The following CRLS1 variants were observed in gnomAD, a reference collection of about 807,000 sequenced individuals.
CRLS1 encodes cardiolipin synthase (CMP-forming).
In CRLS1, 24 loss-of-function variants were observed where a neutral mutation model predicts 37.0. That is an observed-to-expected ratio of 0.65 (90% CI 0.47 to 0.91). The LOEUF is 0.91. Ranked by LOEUF, CRLS1 falls within the 40% of genes least tolerant of loss-of-function variation. CRLS1 has a pLI of 0.00. For synonymous variants in CRLS1, 135 were observed against 159.7 expected, an observed-to-expected ratio of 0.85 and a Z score of 1.17; for missense variants, 373 against 395.8, an observed-to-expected ratio of 0.94 and a Z score of 0.49.
Position 6,037,083 on chromosome 20 carries a change from A to G in CRLS1, c.831A>G (p.Thr277=). 6.2e-7 allele frequency: 1 copy of G among 1,612,420 alleles called. No homozygotes were observed. Among genetic ancestry groups the G allele is most frequent in the Non-Finnish European group, 8.5e-7 (1 of 1,179,144 alleles). Residue 277 remains threonine, a synonymous_variant, in exon 7 of 7, where the codon ACA becomes ACG. Coordinates refer to ENST00000378863, the MANE Select transcript of CRLS1 (RefSeq NM_019095.6). ...TTTTCTTCCATAAAAGGTGTTTTAC[A>G]GCTTTCACCACAGCTGCATCAGCTT... The part of the protein sequence containing the change: ...SIYLQILWCF[T]AFTTAASAYS...
intron 2 of CRLS1, among the ~76,000 whole-genome samples, chr20:6,010,436 A>G (rs187071557): frequency 2.0e-5 from 3 of 152,204 alleles, no homozygotes; most frequent in African/African-American, 7.2e-5. Flanking sequence ...ACCCCCACAG[A>G]TTTATTTTCT....
At chr20:6,024,988 A>G (rs6133284) in intron 3 of CRLS1, among the ~76,000 whole-genome samples, 72,785 of 152,122 alleles carry the variant, frequency 0.48, 17,787 homozygotes, top group East Asian at 0.58. Flanking sequence ...GTTTAAGGAA[A>G]AAAGCCATCT....
intron 3 of CRLS1, among the ~76,000 whole-genome samples, chr20:6,018,325 T>C (rs1978934301): frequency 6.6e-6 from 1 of 152,082 alleles, no homozygotes. Flanking sequence ...TGCTAACTTG[T>C]ATTCTAACAA....
intron 5 of CRLS1, 64 bp downstream of exon 5, chr20:6,032,144 C>A (rs1182505365): frequency 7.8e-7 from 1 of 1,288,174 alleles, no homozygotes; most frequent in Non-Finnish European, 1.1e-6. Context: ...AGGATATAAA[C>A]CTTAGTCAAG....
intron 1 of CRLS1, chr20:6,007,130 A>G (rs1367900395): frequency 2.5e-6 from 2 of 812,094 alleles, no homozygotes; most frequent in Middle Eastern, 4.0e-4. Flanking sequence ...TTGATATGCT[A>G]CCCAGACAGA....
At position 6,038,475 on chromosome 20, in the gene CRLS1, C is replaced by G. The variant is rs1249383094; in HGVS notation, c.*1317C>G. Reference sequence around the variant, plus strand: ...GTGGCTTGCTGGTCCTGGTTGTTCTCAGACTGGCAGCTGAGCTGCGCTTGG... The same window carrying G: ...GTGGCTTGCTGGTCCTGGTTGTTCTGAGACTGGCAGCTGAGCTGCGCTTGG... On this transcript the variant is annotated 3_prime_UTR_variant, in exon 7 of 7. Transcript: ENST00000378863. 1 of 152,282 alleles carries G rather than the reference C, an allele frequency of 6.6e-6. No homozygotes were observed. The highest frequency in any genetic ancestry group is 1.5e-5 in the Non-Finnish European group (1 of 68,062). The allele number at this position is 152,282 out of a possible 1,614,324, so 9.4% of individuals were successfully genotyped here. A position where few individuals can be genotyped will look rare whatever the true frequency, so the allele number is the denominator to read the frequency against.
At chr20:6,031,133 G>GTC (rs1980132897) in intron 3 of CRLS1, 152 bp from the exon 4 acceptor site, 1 of 496,422 alleles carries the variant, frequency 2.0e-6, no homozygotes, top group Non-Finnish European at 3.5e-6. Context: ...TTGCTATAGG[G>GTC]GACCCTAAAC....
intron 2 of CRLS1, among the ~76,000 whole-genome samples, chr20:6,012,597 C>T (rs1978411779): frequency 6.6e-6 from 1 of 152,136 alleles, no homozygotes; most frequent in African/African-American, 2.4e-5. Flanking sequence ...TGATGGGCAA[C>T]ACTTGAGTAG....
At chr20:6,030,439 C>T (rs1304950286) in intron 3 of CRLS1, among the ~76,000 whole-genome samples, 1 of 152,052 alleles carries the variant, frequency 6.6e-6, no homozygotes, top group Non-Finnish European at 1.5e-5. Context: ...TACAATATTT[C>T]ACGCTGGGCA....
chr20:6,011,646 C>T (rs570406231), intron 2 of CRLS1, among the ~76,000 whole-genome samples: 54 of 117,528 alleles, frequency 4.6e-4, no homozygotes, highest in Admixed American at 1.2e-3. Context: ...AGTGCAGTGG[C>T]GTGATGTCGG....
intron 3 of CRLS1, among the ~76,000 whole-genome samples, chr20:6,017,548 G>A (rs1297559477): frequency 6.6e-6 from 1 of 152,202 alleles, no homozygotes; most frequent in African/African-American, 2.4e-5. Flanking sequence ...CTTTGCATCA[G>A]TGGCATTCTT....
At chr20:6,011,730 C>T (rs1253988577) in intron 2 of CRLS1, among the ~76,000 whole-genome samples, 1 of 150,896 alleles carries the variant, frequency 6.6e-6, no homozygotes, top group Non-Finnish European at 1.5e-5. Flanking sequence ...GGATTACTGG[C>T]ATGCACCACC....
chr20:6,033,402 C>G (rs1224295680), intron 5 of CRLS1, among the ~76,000 whole-genome samples: 1 of 152,112 alleles, frequency 6.6e-6, no homozygotes, highest in Admixed American at 6.5e-5. Flanking sequence ...TCCCAAAGTG[C>G]TGGGCTTACA....
intron 2 of CRLS1, 26 bp from the exon 3 acceptor site, chr20:6,015,335 A>G (rs1362264230): frequency 2.0e-6 from 3 of 1,481,822 alleles, no homozygotes; most frequent in African/African-American, 2.8e-5. Context: ...ACATTTATAT[A>G]TATAAAAAAA....
intron 5 of CRLS1, among the ~76,000 whole-genome samples, 182 bp downstream of exon 5, chr20:6,032,262 C>T (rs527723036): frequency 3.9e-5 from 6 of 152,110 alleles, no homozygotes; most frequent in Admixed American, 3.9e-4. Context: ...TTGGATCATC[C>T]TTATACATGT....
chr20:6,031,403 A>C (rs1309264161), intron 4 of CRLS1, 33 bp downstream of exon 4: 1 of 1,454,768 alleles, frequency 6.9e-7, no homozygotes, highest in Non-Finnish European at 9.4e-7. Flanking sequence ...TTCTTTTAGC[A>C]TTATATATGA....
At chr20:6,031,144 C>A in intron 3 of CRLS1, 141 bp from the exon 4 acceptor site, 1 of 530,290 alleles carries the variant, frequency 1.9e-6, no homozygotes, top group Non-Finnish European at 3.2e-6. Flanking sequence ...GACCCTAAAC[C>A]ATCGATAGGT....
intron 3 of CRLS1, among the ~76,000 whole-genome samples, chr20:6,020,863 A>T (rs1600370175): frequency 6.8e-6 from 1 of 147,534 alleles, no homozygotes; most frequent in Non-Finnish European, 1.5e-5. Context: ...CGATCTCCTG[A>T]CCTCATGATC....
rs527445213 is a variant in CRLS1, at chr20:6,037,209, C to A, written c.*51C>A. 1.5e-6 allele frequency: 2 copies of A among 1,347,560 alleles called. No homozygotes were observed. Among genetic ancestry groups the A allele is most frequent in the South Asian group, 2.5e-5 (2 of 80,568 alleles). 83.5% of individuals were successfully genotyped at this position (1,347,560 alleles called of 1,614,324 possible). On this transcript the variant is annotated 3_prime_UTR_variant, in exon 7 of 7. Coordinates refer to ENST00000378863, the MANE Select transcript of CRLS1 (RefSeq NM_019095.6). The stretch of plus-strand genomic sequence containing the variant: ...AGGAAGCAGTATACATCAATGGGAA[C>A]AGGGCCCATGGAAATGTACAGGAGT...
Sources: gnomAD v4.1 joint callset for allele counts (sites outside exome capture counted in the v4.1 genomes callset) on GRCh38, gnomAD v4.1.1 for gene constraint, MANE v1.5 for transcripts, NCBI Gene and HGNC (gene_info 2026-07-23, HGNC 2026-07-21) for gene names.